BNC2: variants seen among roughly 807,000 people sequenced by gnomAD.
BNC2 encodes the protein basonuclin zinc finger protein 2.
Under a neutral mutation model 76.3 loss-of-function variants are expected in BNC2, and 20 were observed. The observed-to-expected ratio is 0.26, with a 90% CI of 0.18 to 0.38. BNC2 has a LOEUF of 0.38. Ranked by LOEUF, BNC2 falls within the 10% of genes least tolerant of loss-of-function variation. The pLI, the probability that BNC2 is intolerant of heterozygous loss-of-function variation, is 1.00. For synonymous variants in BNC2, 582 were observed against 514.8 expected (o/e 1.13, Z -1.77); for missense variants, 1,382 against 1,399.8 (o/e 0.99, Z 0.20).
At chr9:16,749,703 A>T (rs1264853107) in intron 1 of BNC2, among the ~76,000 whole-genome samples, 1 of 4,774 alleles carries the variant, frequency 2.1e-4, no homozygotes, top group Non-Finnish European at 6.1e-4. Flanking sequence ...CTGTGCTTTA[A>T]AAAAAAAAAA....
intron 3 of BNC2, among the ~76,000 whole-genome samples, chr9:16,649,916 A>G (rs1281007884): frequency 6.6e-6 from 1 of 152,176 alleles, no homozygotes; most frequent in African/African-American, 2.4e-5. Context: ...GCCTTCATAA[A>G]TCTTCTGTAA....
At chr9:16,807,033 T>A (rs894737747) in intron 1 of BNC2, among the ~76,000 whole-genome samples, 8 of 152,202 alleles carry the variant, frequency 5.3e-5, no homozygotes, top group Non-Finnish European at 8.8e-5. Context: ...AGACCCAATG[T>A]AATGTTAAGC....
intron 3 of BNC2, among the ~76,000 whole-genome samples, chr9:16,680,655 G>T (rs546577402): frequency 1.3e-5 from 2 of 151,576 alleles, no homozygotes; most frequent in African/African-American, 2.4e-5. Flanking sequence ...AAACAGACAG[G>T]CCACCTGTGT....
chr9:16,566,141 T>C (rs556905824), intron 4 of BNC2, among the ~76,000 whole-genome samples: 1 of 152,322 alleles, frequency 6.6e-6, no homozygotes, highest in South Asian at 2.1e-4. Context: ...GGCTCCCTCA[T>C]ATAAGAGGAA....
chr9:16,424,524 T>C (rs963599476), intron 6 of BNC2, among the ~76,000 whole-genome samples: 5 of 152,196 alleles, frequency 3.3e-5, no homozygotes. Context: ...AACACACACA[T>C]TCACAAATTC....
At chr9:16,852,027 T>C (rs780230947) in intron 1 of BNC2, among the ~76,000 whole-genome samples, 4 of 152,196 alleles carry the variant, frequency 2.6e-5, no homozygotes, top group Non-Finnish European at 5.9e-5. Flanking sequence ...GTGTGATCTT[T>C]TGAAGAGTGG....
At chr9:16,679,630 G>A (rs778813151) in intron 3 of BNC2, among the ~76,000 whole-genome samples, 1 of 152,158 alleles carries the variant, frequency 6.6e-6, no homozygotes, top group Non-Finnish European at 1.5e-5. Context: ...CTTCTTTGAC[G>A]GCTGGTGACA....
chr9:16,694,114 G>C (rs1003201949), intron 3 of BNC2, among the ~76,000 whole-genome samples: 2 of 152,156 alleles, frequency 1.3e-5, no homozygotes, highest in Non-Finnish European at 2.9e-5. Flanking sequence ...ATCCGTCTGA[G>C]TTGCTCTTAC....
In BNC2 at chr9:16,620,028, A is replaced by C. The variant is rs563204838; in HGVS notation, c.331-36943T>G. On this transcript the variant is annotated intron_variant, in intron 3 of 6. Transcript: ENST00000380672. ...GCCACGTATGGCCTTCTTCCCGTGA[A>C]GATCAGGCTCCAAACAAAAACCCCC... 1.2e-4 allele frequency among the ~76,000 whole-genome samples: 19 copies of C among 152,314 alleles called. 1 individual carries two copies. The South Asian group carries it at 3.7e-3, about 30-fold the overall frequency.
In BNC2 at chr9:16,765,826, G is replaced by A. The variant is rs541949303; in HGVS notation, c.4-27341C>T. On this transcript the variant is annotated intron_variant, in intron 1 of 6. Coordinates refer to ENST00000380672, the MANE Select transcript of BNC2 (RefSeq NM_017637.6). Reference sequence around the variant, plus strand: ...TTCTGAGACGGAGTCTAGCTCTGTCGCCCAGGCTGGAGTGCAGTGGCACGA... The same window carrying A: ...TTCTGAGACGGAGTCTAGCTCTGTCACCCAGGCTGGAGTGCAGTGGCACGA... Among the ~76,000 whole-genome samples, 8 of 147,598 alleles carry A rather than the reference G, an allele frequency of 5.4e-5. No homozygotes were observed. The South Asian group carries it at 6.5e-4, about 12-fold the overall frequency.
At chr9:16,644,474 GA>G (rs1405114024) in intron 3 of BNC2, among the ~76,000 whole-genome samples, 1 of 151,910 alleles carries the variant, frequency 6.6e-6, no homozygotes, top group East Asian at 1.9e-4. Flanking sequence ...ACTATTAATA[GA>G]AAAAAATAAA....
chr9:16,465,000 C>A (rs573918230), intron 5 of BNC2, among the ~76,000 whole-genome samples: 6 of 152,170 alleles, frequency 3.9e-5, no homozygotes, highest in Non-Finnish European at 8.8e-5. Context: ...TTCTAACACA[C>A]GACTTTTAAT....
intron 4 of BNC2, among the ~76,000 whole-genome samples, chr9:16,554,347 T>G (rs1054135184): frequency 2.0e-5 from 3 of 152,216 alleles, no homozygotes; most frequent in Admixed American, 2.0e-4. Context: ...AGAGTTCATG[T>G]ACTCTTGATA....
At position 16,436,152 on chromosome 9, in the gene BNC2, T is replaced by C; in HGVS notation, c.2042A>G (p.Glu681Gly). 1 of 1,614,188 alleles carries C rather than the reference T, an allele frequency of 6.2e-7. No homozygotes were observed. The highest frequency in any genetic ancestry group is 8.5e-7 in the Non-Finnish European group (1 of 1,180,024). Residue 681 changes from glutamate (E) to glycine (G), a missense_variant, in exon 6 of 7, where the codon GAG (glutamate) becomes GGG (glycine). This residue lies in a region of BNC2 where 798 missense variants were observed against 775.5 expected (regional missense o/e 1.03). Coordinates refer to ENST00000380672, the MANE Select transcript of BNC2 (RefSeq NM_017637.6). Reference sequence around the variant, plus strand: ...CTTCACAGACATGCCTGGGCTCATCTCCTCTTGGGAGTGACAATGATTGTC... The same window carrying C: ...CTTCACAGACATGCCTGGGCTCATCCCCTCTTGGGAGTGACAATGATTGTC... Reference protein sequence around the residue: ...SHDNHCHSQEEMSPGMSVKDF... With the variant: ...SHDNHCHSQEGMSPGMSVKDF...
At chr9:16,499,901 A>T (rs1033390533) in intron 5 of BNC2, among the ~76,000 whole-genome samples, 2 of 151,978 alleles carry the variant, frequency 1.3e-5, no homozygotes, top group Admixed American at 6.6e-5. Flanking sequence ...TCTTCATTCT[A>T]ACTACTCAAT....
chr9:16,669,463 G>A (rs976947757), intron 3 of BNC2, among the ~76,000 whole-genome samples: 3 of 152,126 alleles, frequency 2.0e-5, no homozygotes, highest in African/African-American at 2.4e-5. Context: ...AACAGTACTG[G>A]CTATTGTGAA....
intron 5 of BNC2, among the ~76,000 whole-genome samples, chr9:16,445,085 C>T (rs1821204264): frequency 6.6e-6 from 1 of 151,870 alleles, no homozygotes; most frequent in Non-Finnish European, 1.5e-5. Context: ...AAAATGGCCA[C>T]ACAAAAAAAA....
rs538449864 is a variant in BNC2 at position 16,754,998 on chromosome 9, A to C, written c.4-16513T>G. Among the ~76,000 whole-genome samples, 10 of 152,266 alleles carry C rather than the reference A, an allele frequency of 6.6e-5. No homozygotes were observed. The East Asian group carries it at 1.5e-3, about 24-fold the overall frequency. ...CCCCCTTCACCTCCACTTCCAATCCACACAAAGCCATTCTCCACATATTGC... is the reference window on the plus strand; with the variant it reads ...CCCCCTTCACCTCCACTTCCAATCCCCACAAAGCCATTCTCCACATATTGC... On this transcript the variant is annotated intron_variant, in intron 1 of 6. Transcript: ENST00000380672.
intron 1 of BNC2, among the ~76,000 whole-genome samples, chr9:16,834,196 C>CAA (rs112618677): frequency 6.5e-4 from 97 of 149,992 alleles, no homozygotes; most frequent in East Asian, 2.1e-3. Context: ...ACTGGCCAGT[C>CAA]AAAAAAAAAA....
Sources: allele counts gnomAD v4.1 joint callset (sites outside exome capture counted in the v4.1 genomes callset), GRCh38; gene constraint gnomAD v4.1.1; regional missense constraint gnomAD v4.1.1; transcripts MANE v1.5; gene names NCBI Gene and HGNC (gene_info 2026-07-23, HGNC 2026-07-21).